Variants in PIK3C2G observed in about 807,000 individuals in gnomAD.
PIK3C2G encodes the protein phosphatidylinositol 3-kinase C2 domain-containing subunit gamma.
In PIK3C2G, 168 loss-of-function variants were observed where a neutral mutation model predicts 181.1. The ratio of observed to expected loss-of-function variants is 0.93; its 90% CI spans 0.82 to 1.05. The LOEUF is 1.05. Among genes scored for constraint, PIK3C2G ranks in the 50% least tolerant of loss-of-function variants. The probability of loss-of-function intolerance (pLI) is 0.00; values close to 1 mark genes in which losing one functional copy is unlikely to be tolerated. For missense variants in PIK3C2G, 1,869 were observed against 1,732.8 expected (o/e 1.08, Z -1.40); for synonymous variants, 573 against 592.2 (o/e 0.97, Z 0.47).
intron 14 of PIK3C2G, among the ~76,000 whole-genome samples, 194 bp from the exon 15 acceptor site, chr12:18,390,928 A>C (rs1020782857): frequency 6.6e-6 from 1 of 152,152 alleles, no homozygotes; most frequent in Non-Finnish European, 1.5e-5. Flanking sequence ...TAATTGGCTA[A>C]ATAACTTGTA....
chr12:18,650,620 T>C (rs1417070454), downstream of PIK3C2G, among the ~76,000 whole-genome samples: 1 of 145,272 alleles, frequency 6.9e-6, no homozygotes, highest in Non-Finnish European at 1.5e-5. Flanking sequence ...ACGGGCTCAC[T>C]TGAAATACAC....
intron 30 of PIK3C2G, among the ~76,000 whole-genome samples, chr12:18,596,878 A>T (rs1947395830): frequency 6.6e-6 from 1 of 152,100 alleles, no homozygotes. Flanking sequence ...TAATGATGTG[A>T]AAGGCCAAGC....
chr12:18,406,617 AG>A (rs1174046451), intron 16 of PIK3C2G, among the ~76,000 whole-genome samples: 1 of 152,188 alleles, frequency 6.6e-6, no homozygotes. Context: ...ACAAGGTGAA[AG>A]GAAGGATATT....
chr12:18,670,604 T>C, the PIK3C2G span, among the ~76,000 whole-genome samples: 327 of 152,316 alleles, frequency 2.1e-3, no homozygotes, highest in African/African-American at 7.4e-3. Flanking sequence ...CGTTTCTGCA[T>C]ATAAAGCACT....
intron 1 of PIK3C2G, among the ~76,000 whole-genome samples, chr12:18,272,759 C>T (rs1261286276): frequency 1.3e-5 from 2 of 151,978 alleles, no homozygotes; most frequent in East Asian, 1.9e-4. Flanking sequence ...ATTGATGTAC[C>T]CTCATATTCT....
At chr12:18,450,956 A>G (rs147796558) in intron 18 of PIK3C2G, among the ~76,000 whole-genome samples, 1,636 of 152,300 alleles carry the variant, frequency 0.011, 12 homozygotes, top group Non-Finnish European at 0.017. Context: ...TGATACCAGT[A>G]CCATGCTCTT....
Position 18,607,725 on chromosome 12 carries a change from T to C in PIK3C2G, c.4088-1810T>C, listed in dbSNP as rs188242157. Among the ~76,000 whole-genome samples, 851 of 152,168 alleles carry C rather than the reference T, an allele frequency of 5.6e-3. 5 individuals carry two copies. Among genetic ancestry groups the C allele is most frequent in the African/African-American group, 0.02 (819 of 41,500 alleles). On this transcript the variant is annotated intron_variant, in intron 30 of 32. Transcript: ENST00000538779. The stretch of plus-strand genomic sequence containing the variant: ...GGATCTAATTAAACTAAAGAGCTTC[T>C]GCACAGAAAAAGAAACTACCATCAG...
intron 26 of PIK3C2G, among the ~76,000 whole-genome samples, chr12:18,552,772 G>A (rs1944801689): frequency 6.6e-6 from 1 of 152,066 alleles, no homozygotes; most frequent in Non-Finnish European, 1.5e-5. Context: ...TCATTATGAT[G>A]TTTGATAGTG....
At chr12:18,325,001 A>T (rs1951272412) in intron 7 of PIK3C2G, 34 bp from the exon 8 acceptor site, 3 of 1,185,302 alleles carry the variant, frequency 2.5e-6, no homozygotes, top group Non-Finnish European at 3.7e-6. Context: ...TTCCCACCCA[A>T]TTTTAAACAA....
chr12:18,632,097 T>C (rs1949374754), intron 31 of PIK3C2G, among the ~76,000 whole-genome samples: 1 of 152,078 alleles, frequency 6.6e-6, no homozygotes, highest in Non-Finnish European at 1.5e-5. Flanking sequence ...GAAAATATCC[T>C]ATGGTGCACA....
At chr12:18,503,162 A>T in intron 22 of PIK3C2G, 119 bp from the exon 23 acceptor site, 1 of 606,700 alleles carries the variant, frequency 1.6e-6, no homozygotes, top group Non-Finnish European at 2.7e-6. Context: ...CCAGAAAAGA[A>T]GATTTGAAAA....
intron 28 of PIK3C2G, 150 bp from the exon 29 acceptor site, chr12:18,566,799 A>T: frequency 1.6e-6 from 1 of 618,808 alleles, no homozygotes. Context: ...ATATTAATAA[A>T]ATTCTGAGGA....
chr12:18,273,468 T>C (rs11043993), intron 1 of PIK3C2G, among the ~76,000 whole-genome samples: 9,055 of 152,166 alleles, frequency 0.06, 403 homozygotes, highest in Non-Finnish European at 0.093. Context: ...TCTTTTTTGG[T>C]TCCATATGAA....
chr12:18,533,490 C>A (rs1026637429), intron 24 of PIK3C2G, among the ~76,000 whole-genome samples: 2 of 152,044 alleles, frequency 1.3e-5, no homozygotes, highest in African/African-American at 4.8e-5. Flanking sequence ...CTAATCTAAG[C>A]TACTATCATA....
At chr12:18,365,208 T>C (rs1941555293) in intron 12 of PIK3C2G, among the ~76,000 whole-genome samples, 1 of 152,290 alleles carries the variant, frequency 6.6e-6, no homozygotes, top group South Asian at 2.1e-4. Flanking sequence ...TACTTTTCCA[T>C]ACAACATATA....
chr12:18,339,548 T>C (rs1008510824), intron 9 of PIK3C2G, among the ~76,000 whole-genome samples: 2 of 152,138 alleles, frequency 1.3e-5, no homozygotes, highest in Non-Finnish European at 2.9e-5. Flanking sequence ...TCTATCTGCA[T>C]GGTAAAGAAC....
intron 5 of PIK3C2G, among the ~76,000 whole-genome samples, chr12:18,303,144 T>TTTCTTTCC (rs1491046164): frequency 9.0e-6 from 1 of 110,556 alleles, no homozygotes; most frequent in African/African-American, 3.5e-5. Context: ...CTTTCTTTTC[T>TTTCTTTCC]TTTCTTTCTT....
At chr12:18,293,464 A>G (rs543844283) in intron 4 of PIK3C2G, among the ~76,000 whole-genome samples, 1 of 152,290 alleles carries the variant, frequency 6.6e-6, no homozygotes, top group African/African-American at 2.4e-5. Flanking sequence ...AGAATCTTTT[A>G]TCTTGCTGAT....
chr12:18,380,326 A>T (rs1175178230), intron 13 of PIK3C2G, among the ~76,000 whole-genome samples: 1 of 151,830 alleles, frequency 6.6e-6, no homozygotes, highest in African/African-American at 2.4e-5. Context: ...ACCTCTGTTG[A>T]CTCTGTCCCA....
Sources: gnomAD v4.1 joint callset for allele counts (sites outside exome capture counted in the v4.1 genomes callset) on GRCh38, gnomAD v4.1.1 for gene constraint, MANE v1.5 for transcripts, NCBI Gene and HGNC (gene_info 2026-07-23, HGNC 2026-07-21) for gene names.